Variants in ITPR1 observed in about 807,000 individuals in gnomAD.
ITPR1 encodes the protein inositol 1,4,5-trisphosphate-gated calcium channel ITPR1.
In ITPR1, 96 loss-of-function variants were observed where a neutral mutation model predicts 318.4. That is an observed-to-expected ratio of 0.30 (90% CI 0.26 to 0.36). The LOEUF is 0.36. Ranked by LOEUF, ITPR1 falls within the 10% of genes least tolerant of loss-of-function variation. The pLI is 1.00. For synonymous variants in ITPR1, 1,312 were observed against 1,289.9 expected (o/e 1.02, Z -0.37); for missense variants, 2,440 against 3,460.2 (o/e 0.71, Z 7.40).
At chr3:4,509,812 G>A (rs1210591178) in intron 2 of ITPR1, among the ~76,000 whole-genome samples, 4 of 152,046 alleles carry the variant, frequency 2.6e-5, no homozygotes, top group African/African-American at 9.7e-5. Flanking sequence ...AACAAAACCA[G>A]TATAAACTCT....
chr3:4,509,513 C>G (rs304036), intron 2 of ITPR1, among the ~76,000 whole-genome samples: 95,826 of 152,140 alleles, frequency 0.63, 30,326 homozygotes, highest in East Asian at 0.8. Flanking sequence ...AAAAACAAAC[C>G]AGGTGTGGTG....
Position 4,661,044 on chromosome 3 carries a change from A to G in ITPR1, c.1208A>G (p.Asn403Ser). 1.2e-6 allele frequency: 2 copies of G among 1,611,346 alleles called. No individual in the cohort carries two copies. The highest frequency in any genetic ancestry group is 1.7e-6 in the Non-Finnish European group (2 of 1,177,574). The change falls in exon 14 of 62, where the codon AAT becomes AGT. Residue 403 changes from asparagine to serine, a missense_variant. By Grantham distance (46) the Asn-to-Ser change is conservative. Around this residue, in one of 23 missense-constraint regions of ITPR1, gnomAD observed 101 missense variants for 119.6 expected, o/e 0.84. Transcript: ENST00000649015. ...ACTAATACCTGGGTTCACAGCACAA[A>G]TATTCCTATTGACAAGGAAGAAGAA... ...LCTNTWVHST[N>S]IPIDKEEEKP...
chr3:4,737,855 G>GT (rs745595993), intron 44 of ITPR1, among the ~76,000 whole-genome samples: 2 of 152,210 alleles, frequency 1.3e-5, no homozygotes, highest in Non-Finnish European at 2.9e-5. Flanking sequence ...CTTTGTTTGG[G>GT]TGGTGGTTAC....
At chr3:4,832,937 C>T (rs1338780945) in intron 60 of ITPR1, among the ~76,000 whole-genome samples, 2 of 152,320 alleles carry the variant, frequency 1.3e-5, no homozygotes, top group Middle Eastern at 3.4e-3. Flanking sequence ...TCAGCACACA[C>T]TCTTTAGACA....
intron 40 of ITPR1, among the ~76,000 whole-genome samples, chr3:4,720,158 G>T (rs1305525233): frequency 1.3e-5 from 2 of 152,216 alleles, no homozygotes; most frequent in Non-Finnish European, 2.9e-5. Context: ...ACGTCCAGGG[G>T]GATTTGGATA....
chr3:4,642,885 C>G (rs2093369404), intron 7 of ITPR1, among the ~76,000 whole-genome samples: 1 of 152,212 alleles, frequency 6.6e-6, no homozygotes, highest in Non-Finnish European at 1.5e-5. Context: ...TGGTTAAATT[C>G]TATCAGCTGT....
intron 43 of ITPR1, among the ~76,000 whole-genome samples, chr3:4,734,296 C>T (rs561346543): frequency 2.6e-5 from 4 of 152,284 alleles, no homozygotes; most frequent in South Asian, 4.1e-4. Context: ...CTTGGGGAGG[C>T]ATCATGACAG....
At chr3:4,733,310 C>T in intron 43 of ITPR1, 90 bp downstream of exon 43, 1 of 1,446,320 alleles carries the variant, frequency 6.9e-7, no homozygotes, top group Admixed American at 2.0e-5. Flanking sequence ...GAAATGCTCA[C>T]AACAGATGAA....
chr3:4,835,656 C>T (rs1418749039), intron 60 of ITPR1, among the ~76,000 whole-genome samples: 1 of 152,152 alleles, frequency 6.6e-6, no homozygotes, highest in African/African-American at 2.4e-5. Context: ...GTGAGAATGA[C>T]ACCAGACATG....
intron 44 of ITPR1, among the ~76,000 whole-genome samples, chr3:4,756,543 C>T (rs1287869117): frequency 6.6e-6 from 1 of 152,184 alleles, no homozygotes; most frequent in Non-Finnish European, 1.5e-5. Flanking sequence ...CATGAGTTCT[C>T]ATCATCTAGC....
chr3:4,605,721 T>A (rs1199200255), intron 4 of ITPR1, among the ~76,000 whole-genome samples: 1 of 152,188 alleles, frequency 6.6e-6, no homozygotes, highest in Non-Finnish European at 1.5e-5. Context: ...AAATTTGCAG[T>A]TGTCTCCAAA....
chr3:4,665,714 A>G (rs889975014), intron 17 of ITPR1, among the ~76,000 whole-genome samples: 7 of 152,176 alleles, frequency 4.6e-5, no homozygotes, highest in African/African-American at 1.7e-4. Flanking sequence ...GTTTTATGAC[A>G]TTCTAAGTCA....
At chr3:4,497,371 T>C (rs2080672532) in intron 2 of ITPR1, among the ~76,000 whole-genome samples, 1 of 152,210 alleles carries the variant, frequency 6.6e-6, no homozygotes, top group African/African-American at 2.4e-5. Context: ...ATTCAACAAA[T>C]TTCTTGAGCA....
chr3:4,735,956 T>C (rs1475424838), intron 44 of ITPR1, among the ~76,000 whole-genome samples: 5 of 152,252 alleles, frequency 3.3e-5, no homozygotes, highest in Non-Finnish European at 7.3e-5. Context: ...ACTCAAATTC[T>C]ATTTCTAGTT....
intron 4 of ITPR1, among the ~76,000 whole-genome samples, chr3:4,559,530 C>G (rs1408967034): frequency 6.6e-6 from 1 of 152,080 alleles, no homozygotes; most frequent in Non-Finnish European, 1.5e-5. Context: ...ATCAGTTATT[C>G]TGGGCACAAT....
At chr3:4,531,638 C>T (rs1315228979) in intron 4 of ITPR1, among the ~76,000 whole-genome samples, 1 of 152,200 alleles carries the variant, frequency 6.6e-6, no homozygotes, top group East Asian at 1.9e-4. Flanking sequence ...TCTGCTCCAT[C>T]CAGATGGATT....
chr3:4,594,314 G>A (rs1009910597), intron 4 of ITPR1, among the ~76,000 whole-genome samples: 4 of 152,154 alleles, frequency 2.6e-5, no homozygotes, highest in East Asian at 1.9e-4. Context: ...AAATCCCATC[G>A]TGATGGGCTT....
chr3:4,521,912 G>A (rs1003523830), intron 4 of ITPR1, among the ~76,000 whole-genome samples: 2 of 152,244 alleles, frequency 1.3e-5, no homozygotes, highest in Middle Eastern at 3.4e-3. Context: ...GACATAGGCA[G>A]GGCAGCTTTT....
At chr3:4,792,726 G>A (rs1267749187) in intron 52 of ITPR1, among the ~76,000 whole-genome samples, 1 of 152,146 alleles carries the variant, frequency 6.6e-6, no homozygotes, top group Non-Finnish European at 1.5e-5. Context: ...GGGAGGAGAA[G>A]GAAGCCACAG....
Sources: allele counts gnomAD v4.1 joint callset (sites outside exome capture counted in the v4.1 genomes callset), GRCh38; gene constraint gnomAD v4.1.1; regional missense constraint gnomAD v4.1.1; transcripts MANE v1.5; gene names NCBI Gene and HGNC (gene_info 2026-07-23, HGNC 2026-07-21).